PCDH15: variants seen among roughly 807,000 people sequenced by gnomAD.
PCDH15 encodes the protein protocadherin related 15, also known as protocadherin-15.
Under a neutral mutation model 178.5 loss-of-function variants are expected in PCDH15, and 129 were observed. The observed-to-expected ratio is 0.72, with a 90% confidence interval of 0.63 to 0.84. The LOEUF (loss-of-function observed/expected upper bound fraction) is 0.84. PCDH15 is among the 40% of genes least tolerant of loss of function. The pLI, the probability that PCDH15 is intolerant of heterozygous loss-of-function variation, is 0.00. For synonymous variants in PCDH15, 800 were observed against 732.0 expected, an observed-to-expected ratio of 1.09 and a Z score of -1.50; for missense variants, 2,230 against 2,099.9, an observed-to-expected ratio of 1.06 and a Z score of -1.21.
chr10:54,664,336 T>C, intron 1 of PCDH15, 46 bp from the exon 2 acceptor site: 1 of 1,198,664 alleles, frequency 8.3e-7, no homozygotes, highest in South Asian at 1.3e-5. Flanking sequence ...TGTTCATTAA[T>C]CTGTTATAGG....
At chr10:53,865,133 A>AT (rs2079362380) in intron 27 of PCDH15, among the ~76,000 whole-genome samples, 1 of 152,176 alleles carries the variant, frequency 6.6e-6, no homozygotes, top group Admixed American at 6.6e-5. Context: ...TAATTATAGA[A>AT]TTTTGTATGT....
chr10:55,412,777 G>A (rs1838371596), intron 2 of PCDH15, among the ~76,000 whole-genome samples: 1 of 151,418 alleles, frequency 6.6e-6, no homozygotes, highest in Non-Finnish European at 1.5e-5. Context: ...GAAATTTTCA[G>A]TATTGTTTGA....
chr10:54,043,705 G>T (rs570774144), intron 18 of PCDH15, among the ~76,000 whole-genome samples: 2 of 152,084 alleles, frequency 1.3e-5, no homozygotes, highest in East Asian at 3.9e-4. Flanking sequence ...TAATTACAAG[G>T]AAAGATGCAA....
intron 8 of PCDH15, among the ~76,000 whole-genome samples, chr10:54,252,041 T>C (rs996392557): frequency 6.6e-6 from 1 of 152,156 alleles, no homozygotes; most frequent in Non-Finnish European, 1.5e-5. Context: ...TCAAGTGTGT[T>C]TGAAACTGTG....
chr10:54,682,789 C>G (rs1489838761), intron 1 of PCDH15, among the ~76,000 whole-genome samples: 1 of 152,054 alleles, frequency 6.6e-6, no homozygotes, highest in Admixed American at 6.6e-5. Context: ...TCGTAAATTC[C>G]AAAGAATCTT....
At chr10:55,454,621 C>CAA (rs35852490) in intron 2 of PCDH15, among the ~76,000 whole-genome samples, 97,710 of 137,396 alleles carry the variant, frequency 0.71, 35,342 homozygotes, top group African/African-American at 0.9. Context: ...ACTAAAAATG[C>CAA]AAAAAAAAAA....
In PCDH15 at chr10:55,454,020, A is replaced by G. The variant is rs574871692; in HGVS notation, c.-156+173605T>C. Among the ~76,000 whole-genome samples, 335 of 152,242 alleles carry G rather than the reference A, an allele frequency of 2.2e-3. 1 individual carries two copies. Among genetic ancestry groups the G allele is most frequent in the African/African-American group, 7.6e-3 (318 of 41,570 alleles). Reference sequence around the variant, plus strand: ...AATTATAAAACACCAGAGAAGAGAAATTTTTGTCTTATTCTATAAAATAAT... The same window carrying G: ...AATTATAAAACACCAGAGAAGAGAAGTTTTTGTCTTATTCTATAAAATAAT... On this transcript the variant is annotated intron_variant, in intron 2 of 5. Coordinates refer to the PCDH15 transcript ENST00000613346.
intron 2 of PCDH15, among the ~76,000 whole-genome samples, chr10:55,550,194 T>A (rs1165546662): frequency 6.6e-6 from 1 of 152,176 alleles, no homozygotes; most frequent in Non-Finnish European, 1.5e-5. Flanking sequence ...TGTCTTCTTA[T>A]CTATTGTATT....
chr10:54,819,251 C>A (rs1952997817), intron 3 of PCDH15, among the ~76,000 whole-genome samples: 1 of 151,964 alleles, frequency 6.6e-6, no homozygotes, highest in Admixed American at 6.6e-5. Flanking sequence ...TAAGGAAATA[C>A]CAACTCTGCA....
chr10:54,250,142 AAGCAAAAGGCCCACCTC>A (rs1184380444), intron 8 of PCDH15, among the ~76,000 whole-genome samples: 3 of 150,516 alleles, frequency 2.0e-5, no homozygotes, highest in Non-Finnish European at 4.4e-5. Context: ...TTCTGAGCTC[AAGCAAAAGGCCCACCTC>A]AGCCTCCCAA....
chr10:55,524,908 T>C (rs188850349), intron 2 of PCDH15, among the ~76,000 whole-genome samples: 4 of 151,938 alleles, frequency 2.6e-5, no homozygotes, highest in Admixed American at 2.0e-4. Context: ...CAACTTTACA[T>C]TGTTGTTTTT....
At chr10:55,552,031 A>T (rs1236377035) in intron 2 of PCDH15, among the ~76,000 whole-genome samples, 2 of 151,766 alleles carry the variant, frequency 1.3e-5, no homozygotes, top group Non-Finnish European at 3.0e-5. Context: ...AAAAACAAAA[A>T]GTATCCATAT....
At chr10:54,495,619 A>G (rs1271983464) in intron 3 of PCDH15, among the ~76,000 whole-genome samples, 1 of 152,194 alleles carries the variant, frequency 6.6e-6, no homozygotes, top group Admixed American at 6.5e-5. Context: ...AGTTAGAGAA[A>G]GGACAAATGG....
intron 25 of PCDH15, among the ~76,000 whole-genome samples, chr10:53,907,704 C>A (rs1158238030): frequency 6.6e-6 from 1 of 152,068 alleles, no homozygotes; most frequent in African/African-American, 2.4e-5. Flanking sequence ...ATGTGAGATA[C>A]CTTCTTGCAA....
intron 18 of PCDH15, among the ~76,000 whole-genome samples, chr10:54,027,809 T>C (rs1193620590): frequency 7.2e-6 from 1 of 139,104 alleles, no homozygotes; most frequent in East Asian, 2.1e-4. Context: ...ATTAAAGACT[T>C]AAACGTTAGA....
intron 2 of PCDH15, among the ~76,000 whole-genome samples, chr10:54,910,381 C>T (rs1009030685): frequency 2.0e-5 from 3 of 152,182 alleles, no homozygotes; most frequent in African/African-American, 7.2e-5. Context: ...GAATTACAAG[C>T]ATATTTTTTT....
chr10:54,577,355 G>A (rs186525735), intron 2 of PCDH15, among the ~76,000 whole-genome samples: 2 of 151,368 alleles, frequency 1.3e-5, no homozygotes, highest in African/African-American at 4.8e-5. Context: ...GCCTCCCAAA[G>A]TGCTGGGATT....
At chr10:53,832,664 C>CA (rs1236731165) in intron 29 of PCDH15, among the ~76,000 whole-genome samples, 9 of 150,484 alleles carry the variant, frequency 6.0e-5, no homozygotes, top group African/African-American at 9.9e-5. Flanking sequence ...ACAGAAAACA[C>CA]AAAAAAATGC....
intron 2 of PCDH15, among the ~76,000 whole-genome samples, chr10:55,044,314 A>T (rs754234708): frequency 5.9e-5 from 9 of 152,160 alleles, no homozygotes; most frequent in Non-Finnish European, 1.3e-4. Context: ...GTTATGTCAC[A>T]AAAGTAAACA....
Sources: allele counts gnomAD v4.1 joint callset (sites outside exome capture counted in the v4.1 genomes callset), GRCh38; gene constraint gnomAD v4.1.1; transcripts MANE v1.5; gene names NCBI Gene and HGNC (gene_info 2026-07-23, HGNC 2026-07-21).